Variants in FRMD5 observed in about 807,000 individuals in gnomAD.
FRMD5 encodes the protein FERM domain containing 5, also known as FERM domain-containing protein 5.
A neutral mutation model predicts 69.0 loss-of-function variants in FRMD5; 20 were observed. The ratio of observed to expected loss-of-function variants is 0.29; its 90% CI spans 0.20 to 0.42. The LOEUF is 0.42. Among genes scored for constraint, FRMD5 ranks in the 10% least tolerant of loss-of-function variants. The pLI is 1.00. For missense variants in FRMD5, 595 were observed against 708.6 expected (o/e 0.84, Z 1.82); for synonymous variants, 271 against 260.1 (o/e 1.04, Z -0.40).
At chr15:43,981,626 C>T (rs1479589288) in intron 1 of FRMD5, among the ~76,000 whole-genome samples, 1 of 152,182 alleles carries the variant, frequency 6.6e-6, no homozygotes, top group Admixed American at 6.5e-5. Flanking sequence ...CCACCTTTTG[C>T]TTTAGTTTCA....
At chr15:43,901,060 C>T (rs1595497964) in intron 7 of FRMD5, among the ~76,000 whole-genome samples, 1 of 152,106 alleles carries the variant, frequency 6.6e-6, no homozygotes, top group Non-Finnish European at 1.5e-5. Context: ...TTAGGATGGG[C>T]CCTAATCCAA....
chr15:44,194,915 G>A, intron 1 of FRMD5, 38 bp downstream of exon 1: 2 of 1,480,812 alleles, frequency 1.4e-6, no homozygotes, highest in South Asian at 1.2e-5. Flanking sequence ...GGGGGACAAG[G>A]GGGTCCCGCG....
At chr15:44,132,974 G>T (rs915699968) in intron 1 of FRMD5, among the ~76,000 whole-genome samples, 1 of 151,272 alleles carries the variant, frequency 6.6e-6, no homozygotes, top group Non-Finnish European at 1.5e-5. Context: ...CGTTAGCCGG[G>T]ATGGTCTCAA....
intron 1 of FRMD5, among the ~76,000 whole-genome samples, chr15:43,959,306 C>G (rs1417145961): frequency 6.6e-6 from 1 of 152,096 alleles, no homozygotes; most frequent in East Asian, 1.9e-4. Flanking sequence ...AAATAAAGAG[C>G]CTTTTAGGTT....
chr15:44,071,404 G>A (rs956127107), intron 1 of FRMD5, among the ~76,000 whole-genome samples: 3 of 151,946 alleles, frequency 2.0e-5, no homozygotes, highest in African/African-American at 4.8e-5. Context: ...TCCAGCCTGG[G>A]TGACAAAGCA....
Position 43,910,291 on chromosome 15 carries a change from G to A in FRMD5, c.330-312C>T, listed in dbSNP as rs140021534. Among the ~76,000 whole-genome samples the A allele has an allele frequency of 6.6e-5, 10 of 152,120 alleles. No homozygotes were observed. The East Asian group carries it at 1.5e-3, about 24-fold the overall frequency. Reference sequence around the variant, plus strand: ...GCTTTGGAAGGAGCCAGCCCCAGTCGATCTGGTGCCGAAAAAGAAAACTAT... The same window carrying A: ...GCTTTGGAAGGAGCCAGCCCCAGTCAATCTGGTGCCGAAAAAGAAAACTAT... On this transcript the variant is annotated intron_variant, in intron 4 of 13. Transcript: ENST00000417257.
chr15:44,187,254 C>T (rs2078117265), intron 1 of FRMD5, among the ~76,000 whole-genome samples: 1 of 152,136 alleles, frequency 6.6e-6, no homozygotes, highest in South Asian at 2.1e-4. Context: ...GACATAATGC[C>T]ATTGCTTTGT....
chr15:44,065,338 T>C (rs1893264050), intron 1 of FRMD5, among the ~76,000 whole-genome samples: 1 of 152,112 alleles, frequency 6.6e-6, no homozygotes, highest in Non-Finnish European at 1.5e-5. Context: ...TTTCAAGAAC[T>C]TACAATTTAG....
At chr15:43,986,179 A>G (rs1329484396) in intron 1 of FRMD5, among the ~76,000 whole-genome samples, 1 of 152,242 alleles carries the variant, frequency 6.6e-6, no homozygotes, top group African/African-American at 2.4e-5. Context: ...CTTCTTTCAC[A>G]GTCTGTCGGT....
At chr15:44,199,196 C>T (rs2078326825), upstream of FRMD5, among the ~76,000 whole-genome samples, 1 of 152,066 alleles carries the variant, frequency 6.6e-6, no homozygotes, top group African/African-American at 2.4e-5. Context: ...TCAAAGTTTC[C>T]CCCAACACAG....
intron 1 of FRMD5, among the ~76,000 whole-genome samples, chr15:43,929,080 T>A (rs1233323131): frequency 1.3e-5 from 2 of 152,198 alleles, no homozygotes; most frequent in African/African-American, 4.8e-5. Flanking sequence ...TCTCTCTATA[T>A]GGTGCACAGA....
At chr15:43,980,993 A>T (rs1401889232) in intron 1 of FRMD5, among the ~76,000 whole-genome samples, 1 of 152,174 alleles carries the variant, frequency 6.6e-6, no homozygotes, top group Non-Finnish European at 1.5e-5. Flanking sequence ...TAACATAGTC[A>T]ATTTAACACA....
intron 1 of FRMD5, among the ~76,000 whole-genome samples, chr15:44,122,647 T>A (rs1312190286): frequency 6.6e-6 from 1 of 152,152 alleles, no homozygotes; most frequent in Non-Finnish European, 1.5e-5. Flanking sequence ...CATTTTGGGA[T>A]GCCGAGGGGC....
At chr15:43,993,788 T>A (rs968072624) in intron 1 of FRMD5, among the ~76,000 whole-genome samples, 1 of 152,224 alleles carries the variant, frequency 6.6e-6, no homozygotes, top group Non-Finnish European at 1.5e-5. Flanking sequence ...ATATGTATAA[T>A]TGTTATAGTC....
chr15:44,139,361 T>C (rs1321660693), intron 1 of FRMD5, among the ~76,000 whole-genome samples: 1 of 150,364 alleles, frequency 6.7e-6, no homozygotes, highest in African/African-American at 2.5e-5. Context: ...ACAGAGTCTA[T>C]GAGACTAAGT....
At chr15:43,962,993 T>C (rs1026636816) in intron 1 of FRMD5, among the ~76,000 whole-genome samples, 5 of 152,214 alleles carry the variant, frequency 3.3e-5, no homozygotes, top group East Asian at 1.9e-4. Context: ...GATATAGGCA[T>C]GGGCAAGGAC....
chr15:44,020,503 A>C (rs1891167109), intron 1 of FRMD5, among the ~76,000 whole-genome samples: 1 of 152,180 alleles, frequency 6.6e-6, no homozygotes, highest in African/African-American at 2.4e-5. Flanking sequence ...ATTTTTAAAA[A>C]CTAGCTCCTC....
chr15:44,095,775 T>C (rs1216473249), intron 1 of FRMD5, among the ~76,000 whole-genome samples: 1 of 152,198 alleles, frequency 6.6e-6, no homozygotes, highest in Non-Finnish European at 1.5e-5. Context: ...ACTGCTCCTA[T>C]ACCTTCTCCC....
At chr15:43,996,863 C>G (rs573185484) in intron 1 of FRMD5, among the ~76,000 whole-genome samples, 1 of 152,058 alleles carries the variant, frequency 6.6e-6, no homozygotes, top group East Asian at 1.9e-4. Flanking sequence ...ACGAGATCCC[C>G]AGATGATTCA....
Sources: gnomAD v4.1 joint callset for allele counts (sites outside exome capture counted in the v4.1 genomes callset) on GRCh38, gnomAD v4.1.1 for gene constraint, MANE v1.5 for transcripts, NCBI Gene and HGNC (gene_info 2026-07-23, HGNC 2026-07-21) for gene names.